CDCP1: variants seen among roughly 807,000 people sequenced by gnomAD.
The protein encoded by CDCP1 is CUB domain-containing protein 1.
Under a neutral mutation model 60.2 loss-of-function variants are expected in CDCP1, and 29 were observed. That is an observed-to-expected ratio of 0.48 (90% confidence interval 0.36 to 0.66). The LOEUF is 0.66. CDCP1 is among the 30% of genes least tolerant of loss of function. The probability of loss-of-function intolerance (pLI) is 0.00; values close to 1 mark genes in which losing one functional copy is unlikely to be tolerated. For missense variants in CDCP1, 876 were observed against 1,074.3 expected, an observed-to-expected ratio of 0.82 and a Z score of 2.58; for synonymous variants, 387 against 431.1, an observed-to-expected ratio of 0.90 and a Z score of 1.27.
chr3:45,138,952 G>A (rs763327970), intron 1 of CDCP1, among the ~76,000 whole-genome samples: 3 of 152,248 alleles, frequency 2.0e-5, no homozygotes, highest in Non-Finnish European at 4.4e-5. Flanking sequence ...AGCATCTGGT[G>A]AGGGCCTCAG....
At chr3:45,106,258 G>A (rs1213396439) in intron 4 of CDCP1, among the ~76,000 whole-genome samples, 4 of 152,166 alleles carry the variant, frequency 2.6e-5, no homozygotes, top group Admixed American at 6.5e-5. Context: ...GATAATGAGG[G>A]GTTTGGGCTG....
chr3:45,116,238 TTA>T (rs1576102676), intron 2 of CDCP1, among the ~76,000 whole-genome samples: 4 of 135,408 alleles, frequency 3.0e-5, no homozygotes, highest in South Asian at 2.4e-4. Context: ...TACTGTTCTG[TTA>T]AAAAAAAAAA....
intron 1 of CDCP1, among the ~76,000 whole-genome samples, chr3:45,126,108 C>CTTTCTTTCTCTTTCTTTCTT (rs1553610965): frequency 3.6e-5 from 4 of 110,082 alleles, no homozygotes; most frequent in African/African-American, 1.5e-4. Context: ...TTGTCTCTCT[C>CTTTCTTTCTCTTTCTTTCTT]TCTTTCTTTC....
chr3:45,130,312 GGT>G (rs1421862371), intron 1 of CDCP1, among the ~76,000 whole-genome samples: 1 of 151,320 alleles, frequency 6.6e-6, no homozygotes, highest in East Asian at 1.9e-4. Context: ...GTAGAGCCAG[GGT>G]ATCACTATGT....
intron 4 of CDCP1, among the ~76,000 whole-genome samples, chr3:45,095,891 C>T (rs909603151): frequency 4.6e-5 from 7 of 152,126 alleles, no homozygotes; most frequent in Middle Eastern, 3.2e-3. Context: ...ACAAGGGACA[C>T]GTCGGGAGAA....
intron 4 of CDCP1, among the ~76,000 whole-genome samples, chr3:45,100,906 G>T (rs1698476182): frequency 6.6e-6 from 1 of 152,184 alleles, no homozygotes; most frequent in African/African-American, 2.4e-5. Flanking sequence ...GAGGGAGTGT[G>T]TAAATCAGCT....
At position 45,082,867 on chromosome 3, in the gene CDCP1, G is replaced by C. The variant is rs1486938963; in HGVS notation, c.*2771C>G. ...GACCCTGAAATGTTTTACGTAAGTG[G>C]GGCCTGGGCTTTAAAGAAAAGAGCC... On this transcript the variant is annotated 3_prime_UTR_variant, in exon 9 of 9. Transcript: ENST00000296129. 6.6e-6 allele frequency: 1 copy of C among 152,222 alleles called. No individual in the cohort carries two copies. Among genetic ancestry groups the C allele is most frequent in the Non-Finnish European group, 1.5e-5 (1 of 68,054 alleles). 9.4% of individuals were successfully genotyped at this position (152,222 alleles called of 1,614,324 possible).
chr3:45,096,540 G>T (rs887131703), intron 4 of CDCP1, among the ~76,000 whole-genome samples: 1 of 140,830 alleles, frequency 7.1e-6, no homozygotes, highest in African/African-American at 2.6e-5. Flanking sequence ...CAGGAGAATC[G>T]CTTGAACCCG....
chr3:45,129,930 T>C (rs1047961808), intron 1 of CDCP1, among the ~76,000 whole-genome samples: 1 of 152,008 alleles, frequency 6.6e-6, no homozygotes, highest in African/African-American at 2.4e-5. Context: ...TGCTTGTATG[T>C]CAGAATAGTG....
At chr3:45,140,041 T>C (rs1699257668) in intron 1 of CDCP1, among the ~76,000 whole-genome samples, 2 of 152,252 alleles carry the variant, frequency 1.3e-5, no homozygotes, top group African/African-American at 4.8e-5. Context: ...TCCAGATCAG[T>C]AACAGAAGGC....
In CDCP1 at chr3:45,086,248, C is replaced by A. The variant is rs146077868; in HGVS notation, c.2082-181G>T. On this transcript the variant is annotated intron_variant, in intron 8 of 8. Transcript: ENST00000296129. ...GTCCTCAGTGAACATTTAGAAGGGACCTGATTTTGTCTCCAGTTTTCAAAG... is the reference window on the plus strand; with the variant it reads ...GTCCTCAGTGAACATTTAGAAGGGAACTGATTTTGTCTCCAGTTTTCAAAG... 4.0e-3 allele frequency among the ~76,000 whole-genome samples: 609 copies of A among 152,254 alleles called. 1 individual carries two copies. Among genetic ancestry groups the A allele is most frequent in the African/African-American group, 0.014 (575 of 41,540 alleles).
At chr3:45,125,116 A>G (rs554829277) in intron 1 of CDCP1, among the ~76,000 whole-genome samples, 51 of 152,344 alleles carry the variant, frequency 3.3e-4, no homozygotes, top group South Asian at 1.2e-3. Flanking sequence ...TGTGCCAACC[A>G]GGAACTGTGA....
intron 1 of CDCP1, among the ~76,000 whole-genome samples, chr3:45,123,938 G>A (rs73089352): frequency 1.3e-5 from 2 of 152,010 alleles, no homozygotes; most frequent in South Asian, 4.1e-4. Context: ...CTGGGCTTAG[G>A]GCATTTGGAA....
At chr3:45,144,247 C>A (rs13068120) in intron 1 of CDCP1, among the ~76,000 whole-genome samples, 19,872 of 152,118 alleles carry the variant, frequency 0.13, 1,391 homozygotes, top group African/African-American at 0.15. Context: ...TGTTAAGAGA[C>A]TTCATGGATT....
chr3:45,128,940 C>A (rs1699044084), intron 1 of CDCP1, among the ~76,000 whole-genome samples: 1 of 152,234 alleles, frequency 6.6e-6, no homozygotes, highest in African/African-American at 2.4e-5. Flanking sequence ...TGGTCTGGAA[C>A]TCCTGACCTC....
chr3:45,121,509 C>G (rs1279329588), intron 1 of CDCP1, among the ~76,000 whole-genome samples: 1 of 152,238 alleles, frequency 6.6e-6, no homozygotes, highest in Non-Finnish European at 1.5e-5. Context: ...GAAGCTGAGT[C>G]CAATCTGAGG....
chr3:45,120,383 G>A (rs769858740), intron 1 of CDCP1, among the ~76,000 whole-genome samples: 16 of 152,004 alleles, frequency 1.1e-4, no homozygotes, highest in Non-Finnish European at 1.9e-4. Context: ...CCAGTTTATC[G>A]TTTGCCTTTT....
intron 5 of CDCP1, among the ~76,000 whole-genome samples, chr3:45,095,080 C>T (rs1329636069): frequency 1.3e-5 from 2 of 152,024 alleles, no homozygotes; most frequent in African/African-American, 4.8e-5. Context: ...ATTATAGGCG[C>T]CTGCCACCAT....
intron 1 of CDCP1, among the ~76,000 whole-genome samples, chr3:45,121,871 G>T (rs574219902): frequency 6.6e-6 from 1 of 152,298 alleles, no homozygotes; most frequent in Non-Finnish European, 1.5e-5. Context: ...AAAAGATCAT[G>T]TTTTCACACA....
Sources: gnomAD v4.1 joint callset for allele counts (sites outside exome capture counted in the v4.1 genomes callset) on GRCh38, gnomAD v4.1.1 for gene constraint, MANE v1.5 for transcripts, NCBI Gene and HGNC (gene_info 2026-07-23, HGNC 2026-07-21) for gene names.